DOK6: variants seen among roughly 807,000 people sequenced by gnomAD.
The protein encoded by DOK6 is docking protein 6.
In DOK6, 22 loss-of-function variants were observed where a neutral mutation model predicts 44.0. The ratio of observed to expected loss-of-function variants is 0.50; its 90% CI spans 0.36 to 0.71. The LOEUF (loss-of-function observed/expected upper bound fraction) is 0.71. DOK6 is among the 30% of genes least tolerant of loss of function. DOK6 has a pLI of 0.00. For missense variants in DOK6, 340 were observed against 416.4 expected (o/e 0.82, Z 1.60); for synonymous variants, 166 against 145.5 (o/e 1.14, Z -1.01).
chr18:69,680,217 G>A (rs1178351825), intron 4 of DOK6, among the ~76,000 whole-genome samples: 3 of 152,138 alleles, frequency 2.0e-5, no homozygotes, highest in African/African-American at 7.2e-5. Context: ...AAGGAAATTT[G>A]CAACTTTAGT....
chr18:69,835,151 G>A (rs1468383732), intron 7 of DOK6, among the ~76,000 whole-genome samples: 1 of 152,146 alleles, frequency 6.6e-6, no homozygotes, highest in East Asian at 1.9e-4. Flanking sequence ...AGGACATAAA[G>A]CCTAACCATA....
At chr18:69,738,402 T>A (rs1266909274) in intron 5 of DOK6, among the ~76,000 whole-genome samples, 1 of 152,186 alleles carries the variant, frequency 6.6e-6, no homozygotes, top group Non-Finnish European at 1.5e-5. Flanking sequence ...CATTTTAGAG[T>A]TAGCCTTTGT....
chr18:69,700,510 T>C (rs1351246876), intron 5 of DOK6, among the ~76,000 whole-genome samples: 1 of 152,174 alleles, frequency 6.6e-6, no homozygotes, highest in Admixed American at 6.6e-5. Flanking sequence ...TTTTTTAAGA[T>C]CTTTCTATTT....
chr18:69,478,053 C>A (rs73468826), intron 1 of DOK6, among the ~76,000 whole-genome samples: 2 of 152,040 alleles, frequency 1.3e-5, no homozygotes, highest in Non-Finnish European at 2.9e-5. Context: ...ACTAATATTA[C>A]CTTAAATTGA....
intron 7 of DOK6, among the ~76,000 whole-genome samples, chr18:69,835,387 C>G (rs1025192412): frequency 2.0e-5 from 3 of 152,004 alleles, no homozygotes; most frequent in Admixed American, 2.0e-4. Flanking sequence ...ATGGCGTGAA[C>G]CCGGGAGGTG....
At chr18:69,401,336 T>C in intron 1 of DOK6, 26 bp downstream of exon 1, 1 of 1,489,666 alleles carries the variant, frequency 6.7e-7, no homozygotes, top group East Asian at 2.8e-5. Context: ...GGCTTGCTCC[T>C]TCCCCGGCGC....
chr18:69,483,921 GC>G (rs1980501233), intron 1 of DOK6: 1 of 151,972 alleles, frequency 6.6e-6, no homozygotes, highest in Non-Finnish European at 1.5e-5. Flanking sequence ...TAATCTATAT[GC>G]CAAACTGGGT....
intron 7 of DOK6, among the ~76,000 whole-genome samples, chr18:69,803,559 C>T (rs1370409923): frequency 6.6e-6 from 1 of 152,050 alleles, no homozygotes; most frequent in Non-Finnish European, 1.5e-5. Context: ...TAGTGAGTAA[C>T]AGAGATTTAT....
intron 3 of DOK6, among the ~76,000 whole-genome samples, chr18:69,629,315 G>A (rs1984633202): frequency 6.6e-6 from 1 of 152,168 alleles, no homozygotes; most frequent in South Asian, 2.1e-4. Flanking sequence ...GAGTTCAGTT[G>A]CCGAAGTTTT....
intron 7 of DOK6, among the ~76,000 whole-genome samples, chr18:69,778,414 C>A (rs1012483740): frequency 6.6e-6 from 1 of 152,010 alleles, no homozygotes; most frequent in Non-Finnish European, 1.5e-5. Flanking sequence ...CAAAAGGAAC[C>A]TCGAAGAGAC....
intron 5 of DOK6, among the ~76,000 whole-genome samples, chr18:69,715,492 T>C (rs1986861831): frequency 6.6e-6 from 1 of 152,220 alleles, no homozygotes; most frequent in African/African-American, 2.4e-5. Context: ...TTTCAGACTG[T>C]AGAGGCAGAG....
At chr18:69,651,480 TC>T (rs1194474946) in intron 3 of DOK6, among the ~76,000 whole-genome samples, 96 of 139,506 alleles carry the variant, frequency 6.9e-4, no homozygotes, top group African/African-American at 2.5e-3. Flanking sequence ...AGCCCCCCGC[TC>T]CTTTTTTTTT....
chr18:69,838,836 C>G (rs1461599208), intron 7 of DOK6, among the ~76,000 whole-genome samples: 1 of 147,788 alleles, frequency 6.8e-6, no homozygotes. Context: ...CCTAACTCCT[C>G]CCCTAGTTCC....
At chr18:69,714,015 A>G (rs1243354167) in intron 5 of DOK6, among the ~76,000 whole-genome samples, 2 of 152,170 alleles carry the variant, frequency 1.3e-5, no homozygotes, top group African/African-American at 4.8e-5. Flanking sequence ...TGTCTCGAGT[A>G]CCACTAAAGG....
rs151091295 is a variant in DOK6, at chr18:69,610,659, G to A, written c.289+11161G>A. Among the ~76,000 whole-genome samples the A allele has an allele frequency of 6.6e-3, 1,008 of 151,890 alleles. 5 individuals carry two copies. Among genetic ancestry groups the A allele is most frequent in the Middle Eastern group, 0.02 (6 of 294 alleles). ...CACTGCATCTGTGGAGTCAACCAAC[G>A]GTGAATTGAAAATATTTCAGAAGAA... On this transcript the variant is annotated intron_variant, in intron 3 of 7. Transcript: ENST00000382713.
chr18:69,556,469 C>CA (rs887958965), intron 1 of DOK6, among the ~76,000 whole-genome samples: 10 of 150,850 alleles, frequency 6.6e-5, no homozygotes, highest in South Asian at 2.1e-4. Context: ...TAGCACATAG[C>CA]AAAAAAAAAT....
rs1982945704 is a variant in DOK6 at position 69,565,426 on chromosome 18, A to G, written c.174+832A>G. On this transcript the variant is annotated intron_variant, in intron 2 of 7. Coordinates refer to ENST00000382713, the MANE Select transcript of DOK6 (RefSeq NM_152721.6). The stretch of plus-strand genomic sequence containing the variant: ...TAGTTATGAATATTAACTAGTAATC[A>G]TTTAAAATTTGAGCTTGTAAAACTC... 1.3e-5 allele frequency among the ~76,000 whole-genome samples: 2 copies of G among 151,854 alleles called. 1 individual carries two copies. The highest frequency in any genetic ancestry group is 4.2e-4 in the South Asian group (2 of 4,802).
At chr18:69,645,542 T>C (rs1222462847) in intron 3 of DOK6, among the ~76,000 whole-genome samples, 1 of 152,158 alleles carries the variant, frequency 6.6e-6, no homozygotes, top group Non-Finnish European at 1.5e-5. Flanking sequence ...ATTTTCACAT[T>C]GGCTTACTGG....
At chr18:69,791,201 C>A (rs976796669) in intron 7 of DOK6, among the ~76,000 whole-genome samples, 1 of 152,178 alleles carries the variant, frequency 6.6e-6, no homozygotes, top group East Asian at 1.9e-4. Context: ...GTCAATAGGG[C>A]TGCAATAAAC....
Sources: gnomAD v4.1 joint callset for allele counts (sites outside exome capture counted in the v4.1 genomes callset) on GRCh38, gnomAD v4.1.1 for gene constraint, MANE v1.5 for transcripts, NCBI Gene and HGNC (gene_info 2026-07-23, HGNC 2026-07-21) for gene names.